ANTXR1: variants seen among roughly 807,000 people sequenced by gnomAD.
ANTXR1 encodes anthrax toxin receptor 1.
In ANTXR1, 19 loss-of-function variants were observed where a neutral mutation model predicts 78.1. The ratio of observed to expected loss-of-function variants is 0.24; its 90% confidence interval spans 0.17 to 0.36. The LOEUF (loss-of-function observed/expected upper bound fraction) is 0.36. Among genes scored for constraint, ANTXR1 ranks in the 10% least tolerant of loss-of-function variants. ANTXR1 has a pLI of 1.00. For synonymous variants in ANTXR1, 273 were observed against 260.5 expected (o/e 1.05, Z -0.46); for missense variants, 518 against 718.6 (o/e 0.72, Z 3.19).
intron 1 of ANTXR1, among the ~76,000 whole-genome samples, chr2:69,025,531 G>GATCAGAATC (rs1350217031): frequency 8.5e-5 from 13 of 152,144 alleles, no homozygotes; most frequent in South Asian, 2.1e-4. Flanking sequence ...AAAGGATTAT[G>GATCAGAATC]ATCAGAATCA....
At chr2:69,109,182 G>T (rs1671904562) in intron 10 of ANTXR1, among the ~76,000 whole-genome samples, 1 of 152,148 alleles carries the variant, frequency 6.6e-6, no homozygotes, top group South Asian at 2.1e-4. Flanking sequence ...GTGGCAGGCA[G>T]GGCTTAAAAT....
At chr2:69,230,973 G>T (rs115313445) in intron 17 of ANTXR1, among the ~76,000 whole-genome samples, 382 of 152,134 alleles carry the variant, frequency 2.5e-3, no homozygotes, top group African/African-American at 8.9e-3. Context: ...CCCCACTCAC[G>T]TAGACTCCAG....
At chr2:69,170,720 C>A (rs1442594626) in intron 14 of ANTXR1, among the ~76,000 whole-genome samples, 1 of 152,114 alleles carries the variant, frequency 6.6e-6, no homozygotes, top group Non-Finnish European at 1.5e-5. Context: ...TAACCTGATG[C>A]CCAATTCTTC....
At chr2:69,245,095 G>A (rs1675983012) in intron 17 of ANTXR1, 130 bp from the exon 18 acceptor site, 1 of 1,010,364 alleles carries the variant, frequency 9.9e-7, no homozygotes, top group Non-Finnish European at 1.6e-6. Flanking sequence ...GTTCTACTAT[G>A]TGCCACTAGA....
intron 12 of ANTXR1, among the ~76,000 whole-genome samples, chr2:69,141,720 C>T (rs1573927142): frequency 6.6e-6 from 1 of 152,186 alleles, no homozygotes; most frequent in South Asian, 2.1e-4. Flanking sequence ...AATGGGTTAA[C>T]TGTGTACATT....
intron 13 of ANTXR1, among the ~76,000 whole-genome samples, chr2:69,165,596 G>C (rs751116810): frequency 5.3e-5 from 8 of 152,234 alleles, no homozygotes; most frequent in Non-Finnish European, 1.0e-4. Flanking sequence ...CAAAACAGGG[G>C]ACCACAAGGA....
intron 17 of ANTXR1, among the ~76,000 whole-genome samples, chr2:69,203,299 C>T (rs1029647833): frequency 1.8e-4 from 28 of 152,322 alleles, no homozygotes; most frequent in Non-Finnish European, 2.9e-4. Context: ...GCCATCTTCC[C>T]TGGATGTTTG....
rs369669307 is a variant in ANTXR1, at chr2:69,220,869, T to C, written c.1435-24356T>C. 5.3e-5 allele frequency among the ~76,000 whole-genome samples: 8 copies of C among 152,214 alleles called. No homozygotes were observed. In the East Asian group the frequency reaches 1.3e-3, roughly 26 times the overall value. ...TCTCTCTCCGTGTATCAAATGGTCTTGAAACTCTTAAAAAGATTGTTATTA... is the reference window on the plus strand; with the variant it reads ...TCTCTCTCCGTGTATCAAATGGTCTCGAAACTCTTAAAAAGATTGTTATTA... On this transcript the variant is annotated intron_variant, in intron 17 of 17. Transcript: ENST00000303714.
chr2:69,143,790 C>A (rs1558595750), intron 12 of ANTXR1, among the ~76,000 whole-genome samples: 1 of 151,930 alleles, frequency 6.6e-6, no homozygotes, highest in Non-Finnish European at 1.5e-5. Context: ...GCATGCTGAC[C>A]TTTAAAGGTC....
Position 69,013,593 on chromosome 2 carries a change from A to C in ANTXR1, c.94A>C (p.Arg32=), listed in dbSNP as rs1223316074. 1 of 1,564,262 alleles carries C rather than the reference A, an allele frequency of 6.4e-7. No individual in the cohort carries two copies. Among genetic ancestry groups the C allele is most frequent in the Non-Finnish European group, 8.7e-7 (1 of 1,153,550 alleles). ...VLICAGQGGR[R]EDGGPACYGG... ...CATCTGCGCCGGGCAAGGGGGACGC[A>C]GGGAGGATGGGGGTCCAGCCTGCTA... is the stretch of plus-strand genomic sequence containing the variant. Residue 32 remains arginine (R), a synonymous_variant, in exon 1 of 18, where the codon AGG becomes CGG. Coordinates refer to ENST00000303714, the MANE Select transcript of ANTXR1 (RefSeq NM_032208.3). The surrounding 1 kb of genome is among the most constrained non-coding windows in gnomAD (Gnocchi z 5.0).
At chr2:69,111,019 A>G (rs1213000857) in intron 10 of ANTXR1, among the ~76,000 whole-genome samples, 2 of 152,232 alleles carry the variant, frequency 1.3e-5, no homozygotes, top group African/African-American at 4.8e-5. Flanking sequence ...CTTTCCATCT[A>G]TCTGTGTTTT....
At chr2:69,144,292 C>G (rs1174737169) in intron 12 of ANTXR1, among the ~76,000 whole-genome samples, 4 of 152,246 alleles carry the variant, frequency 2.6e-5, no homozygotes, top group Non-Finnish European at 4.4e-5. Flanking sequence ...CAGGGTCTCT[C>G]CTTGGAGCAG....
chr2:69,116,174 G>A lies in ANTXR1; in HGVS notation c.803-6843G>A, dbSNP rs541811394. Among the ~76,000 whole-genome samples the A allele has an allele frequency of 3.3e-5, 5 of 152,138 alleles. No individual in the cohort carries two copies. The East Asian group carries it at 5.8e-4, about 18-fold the overall frequency. On this transcript the variant is annotated intron_variant, in intron 10 of 17. Coordinates refer to ENST00000303714, the MANE Select transcript of ANTXR1 (RefSeq NM_032208.3). ...CATCTCTGAAAACCTTCTAGCCCAG[G>A]GCCTGACACATAGTACATTCCTTTC...
chr2:69,069,881 G>T (rs1254049760), intron 3 of ANTXR1, among the ~76,000 whole-genome samples: 1 of 152,140 alleles, frequency 6.6e-6, no homozygotes, highest in Non-Finnish European at 1.5e-5. Context: ...CCTTCATAGG[G>T]TTACAGTTTA....
chr2:69,060,075 G>A (rs534920368), intron 3 of ANTXR1, among the ~76,000 whole-genome samples: 17 of 152,200 alleles, frequency 1.1e-4, no homozygotes, highest in African/African-American at 3.4e-4. Context: ...TCCTTGATGG[G>A]CTCCTCTTTG....
chr2:69,109,993 G>A (rs1671928888), intron 10 of ANTXR1, among the ~76,000 whole-genome samples: 1 of 152,208 alleles, frequency 6.6e-6, no homozygotes, highest in East Asian at 1.9e-4. Context: ...ATATATCAGT[G>A]AGTAAAAGAT....
chr2:69,039,042 G>A (rs371150069), intron 1 of ANTXR1, among the ~76,000 whole-genome samples: 5 of 152,214 alleles, frequency 3.3e-5, no homozygotes, highest in African/African-American at 9.6e-5. Context: ...AAAATAATCA[G>A]AAATCAGTGG....
Position 69,188,034 on chromosome 2 carries a change from C to CAA in ANTXR1, c.1354-5275_1354-5274dup, listed in dbSNP as rs34500820. 1.9e-3 allele frequency among the ~76,000 whole-genome samples: 175 copies of CAA among 90,738 alleles called. 5 individuals carry two copies. Among genetic ancestry groups the CAA allele is most frequent in the African/African-American group, 4.2e-3 (113 of 27,140 alleles). 59.5% of individuals were successfully genotyped at this position (90,738 alleles called of 152,430 possible). Reference sequence around the variant, plus strand: ...AAGAAAAGATACAACTGCTGCCTGGCAAAAAAAAAAAAAAAAAAAAAAAAA... The same window carrying CAA: ...AAGAAAAGATACAACTGCTGCCTGGCAAAAAAAAAAAAAAAAAAAAAAAAAAA... On this transcript the variant is annotated intron_variant, in intron 16 of 17. Transcript: ENST00000303714.
chr2:69,044,417 T>C (rs1669698146), intron 2 of ANTXR1, among the ~76,000 whole-genome samples: 1 of 152,192 alleles, frequency 6.6e-6, no homozygotes, highest in Non-Finnish European at 1.5e-5. Flanking sequence ...CCATACAGAT[T>C]GGTCCCCTTG....
Sources: gnomAD v4.1 joint callset for allele counts (sites outside exome capture counted in the v4.1 genomes callset) on GRCh38, gnomAD v4.1.1 for gene constraint, Gnocchi (gnomAD v3.1) non-coding constraint, MANE v1.5 for transcripts, NCBI Gene and HGNC (gene_info 2026-07-23, HGNC 2026-07-21) for gene names.